KCNIP4: variants seen among roughly 807,000 people sequenced by gnomAD.
KCNIP4 encodes Kv channel-interacting protein 4.
In KCNIP4, 12 loss-of-function variants were observed where a neutral mutation model predicts 34.0. That is an observed-to-expected ratio of 0.35 (90% CI 0.23 to 0.57). KCNIP4 has a LOEUF of 0.57. KCNIP4 is among the 20% of genes least tolerant of loss of function. The pLI is 0.83. For synonymous variants in KCNIP4, 124 were observed against 102.2 expected (o/e 1.21, Z -1.29); for missense variants, 238 against 311.7 (o/e 0.76, Z 1.78).
At chr4:21,154,557 A>G (rs1753006462) in intron 1 of KCNIP4, among the ~76,000 whole-genome samples, 1 of 152,206 alleles carries the variant, frequency 6.6e-6, no homozygotes. Flanking sequence ...ATGTGCCATT[A>G]TCAGATCTGC....
chr4:21,738,120 TA>T (rs1383525354), intron 1 of KCNIP4, among the ~76,000 whole-genome samples: 1 of 130,128 alleles, frequency 7.7e-6, no homozygotes. Flanking sequence ...AATAAATAAA[TA>T]AATAAATAAA....
intron 2 of KCNIP4, among the ~76,000 whole-genome samples, chr4:20,862,147 C>T (rs918761762): frequency 2.2e-4 from 34 of 151,970 alleles, no homozygotes; most frequent in Admixed American, 2.2e-3. Flanking sequence ...TGTGCCACCA[C>T]ACCTGGCTAA....
chr4:21,552,782 C>A (rs922631553), intron 1 of KCNIP4, among the ~76,000 whole-genome samples: 1 of 151,878 alleles, frequency 6.6e-6, no homozygotes, highest in East Asian at 1.9e-4. Flanking sequence ...TGCTGTAGAG[C>A]AATATTCCCA....
intron 1 of KCNIP4, among the ~76,000 whole-genome samples, chr4:21,028,541 T>C (rs796212857): frequency 1.3e-5 from 2 of 152,310 alleles, no homozygotes; most frequent in African/African-American, 4.8e-5. Flanking sequence ...AAAGTAAACA[T>C]GATTCCCAGA....
chr4:21,777,704 C>T (rs1312205074), intron 1 of KCNIP4, among the ~76,000 whole-genome samples: 2 of 152,096 alleles, frequency 1.3e-5, no homozygotes, highest in Non-Finnish European at 2.9e-5. Flanking sequence ...AATTTATAGG[C>T]AAATAAATAT....
chr4:20,904,193 C>T (rs1005158680), intron 1 of KCNIP4, among the ~76,000 whole-genome samples: 3 of 151,986 alleles, frequency 2.0e-5, no homozygotes, highest in African/African-American at 7.3e-5. Context: ...TAACTCTCTG[C>T]TCTTATGGTC....
intron 1 of KCNIP4, among the ~76,000 whole-genome samples, chr4:21,366,074 A>G (rs1719737069): frequency 1.3e-5 from 2 of 152,184 alleles, no homozygotes; most frequent in African/African-American, 4.8e-5. Context: ...CATTAGATTT[A>G]AGGCTTAGGA....
At position 21,554,241 on chromosome 4, in the gene KCNIP4, G is replaced by A. The variant is rs967260284; in HGVS notation, c.61+394330C>T. Among the ~76,000 whole-genome samples the A allele has an allele frequency of 5.3e-5, 8 of 152,176 alleles. No individual in the cohort carries two copies. In the East Asian group the frequency reaches 1.4e-3, roughly 26 times the overall value. Reference sequence around the variant, plus strand: ...GCAGAAGGAGCAGCAAATGCAGAGAGCTGAGCCAGGAAAGTCAAGAAAAAT... The same window carrying A: ...GCAGAAGGAGCAGCAAATGCAGAGAACTGAGCCAGGAAAGTCAAGAAAAAT... On this transcript the variant is annotated intron_variant, in intron 1 of 8. Transcript: ENST00000382152.
At chr4:21,515,481 A>G (rs896344957) in intron 1 of KCNIP4, among the ~76,000 whole-genome samples, 3 of 152,056 alleles carry the variant, frequency 2.0e-5, no homozygotes, top group African/African-American at 7.2e-5. Context: ...TACTAAAAAT[A>G]CAAAAAAATT....
At chr4:20,805,973 T>C (rs1715025883) in intron 3 of KCNIP4, among the ~76,000 whole-genome samples, 1 of 152,142 alleles carries the variant, frequency 6.6e-6, no homozygotes, top group African/African-American at 2.4e-5. Flanking sequence ...GCTTTGACAA[T>C]ATATAGATTC....
chr4:21,639,015 G>A (rs1746419991), intron 1 of KCNIP4, among the ~76,000 whole-genome samples: 1 of 152,096 alleles, frequency 6.6e-6, no homozygotes, highest in South Asian at 2.1e-4. Flanking sequence ...ACTTTGTCAA[G>A]GCATAAGTAT....
At chr4:21,364,782 C>T (rs938011262) in intron 1 of KCNIP4, among the ~76,000 whole-genome samples, 1 of 151,916 alleles carries the variant, frequency 6.6e-6, no homozygotes, top group African/African-American at 2.4e-5. Flanking sequence ...GAGACAAGAA[C>T]AATGAGAAAT....
At chr4:21,234,542 T>C (rs1436539328) in intron 1 of KCNIP4, among the ~76,000 whole-genome samples, 3 of 128,266 alleles carry the variant, frequency 2.3e-5, no homozygotes, top group East Asian at 2.1e-4. Context: ...ATAACGTATA[T>C]AATATATATT....
chr4:21,586,410 A>C (rs941069640), intron 1 of KCNIP4, among the ~76,000 whole-genome samples: 1 of 152,058 alleles, frequency 6.6e-6, no homozygotes, highest in African/African-American at 2.4e-5. Context: ...CTAAATGCAA[A>C]GACATTCCAT....
intron 1 of KCNIP4, among the ~76,000 whole-genome samples, chr4:21,308,426 T>C (rs1396229931): frequency 1.3e-5 from 2 of 152,206 alleles, no homozygotes; most frequent in Non-Finnish European, 2.9e-5. Context: ...GAGAGGGGTT[T>C]ACATTTCCAT....
chr4:21,124,669 T>C (rs1750459358), intron 1 of KCNIP4, among the ~76,000 whole-genome samples: 1 of 152,116 alleles, frequency 6.6e-6, no homozygotes, highest in Non-Finnish European at 1.5e-5. Flanking sequence ...GGGGGGTCTT[T>C]GTGATATTTG....
chr4:21,136,570 G>T (rs191221060), intron 1 of KCNIP4, among the ~76,000 whole-genome samples: 1 of 152,214 alleles, frequency 6.6e-6, no homozygotes, highest in African/African-American at 2.4e-5. Flanking sequence ...GATGTTTCCT[G>T]TCCTTTCCTC....
intron 3 of KCNIP4, among the ~76,000 whole-genome samples, chr4:20,793,754 G>T (rs2149407072): frequency 6.6e-6 from 1 of 152,106 alleles, no homozygotes; most frequent in Admixed American, 6.6e-5. Context: ...CCCTGAGCTT[G>T]TTTTCCTGCA....
chr4:20,938,307 G>A (rs1731289090), intron 1 of KCNIP4, among the ~76,000 whole-genome samples: 1 of 151,654 alleles, frequency 6.6e-6, no homozygotes, highest in South Asian at 2.1e-4. Context: ...AAACACAAGA[G>A]CTTTTGGTAT....
Sources: gnomAD v4.1 joint callset for allele counts (sites outside exome capture counted in the v4.1 genomes callset) on GRCh38, gnomAD v4.1.1 for gene constraint, MANE v1.5 for transcripts, NCBI Gene and HGNC (gene_info 2026-07-23, HGNC 2026-07-21) for gene names.